RUBCNL: variants seen among roughly 807,000 people sequenced by gnomAD.
The protein encoded by RUBCNL is rubicon like autophagy enhancer.
RUBCNL carries 62 observed loss-of-function variants against 69.5 expected under a neutral mutation model. That is an observed-to-expected ratio of 0.89 (90% CI 0.73 to 1.10). The LOEUF is 1.10. Ranked by LOEUF, RUBCNL falls within the 50% of genes least tolerant of loss-of-function variation. The pLI, the probability that RUBCNL is intolerant of heterozygous loss-of-function variation, is 0.00. For missense variants in RUBCNL, 768 were observed against 798.1 expected (o/e 0.96, Z 0.45); for synonymous variants, 291 against 303.6 (o/e 0.96, Z 0.43).
rs1566085720 is a variant in RUBCNL, at chr13:46,372,246, C to G, written c.230G>C (p.Gly77Ala). ...GGCAGCATCTGTCACAAAATGGGTC[C>G]CACTGTTCCCTGCTGCTGGCACCTG... ...QSQVPAAGNS[G>A]THFVTDAASP... Residue 77 changes from glycine (G) to alanine (A), a missense_variant, in exon 3 of 15, where the codon GGG becomes GCG. Transcript: ENST00000429979. The G allele has an allele frequency of 9.3e-6, 15 of 1,613,858 alleles. No homozygotes were observed. The highest frequency in any genetic ancestry group is 1.0e-5 in the Non-Finnish European group (12 of 1,179,886).
At chr13:46,350,042 G>A in intron 11 of RUBCNL, 71 bp downstream of exon 11, 1 of 1,172,400 alleles carries the variant, frequency 8.5e-7, no homozygotes, top group African/African-American at 1.5e-5. Flanking sequence ...GGTTCCCCAA[G>A]CTAGTGTGAT....
upstream of RUBCNL, chr13:46,387,291 G>GACGCCGCC (rs1217072868): frequency 2.0e-6 from 2 of 985,334 alleles, no homozygotes; most frequent in East Asian, 2.3e-4. Context: ...GCGACGCCCC[G>GACGCCGCC]ACGCCGCCAC....
At position 46,342,548 on chromosome 13, in the gene RUBCNL, T is replaced by A. The variant is rs1171249957; in HGVS notation, c.*837A>T. 1 of 152,240 alleles carries A rather than the reference T, an allele frequency of 6.6e-6. No individual in the cohort carries two copies. The highest frequency in any genetic ancestry group is 2.4e-5 in the African/African-American group (1 of 41,466). 9.4% of individuals were successfully genotyped at this position (152,240 alleles called of 1,614,324 possible). ...CCTTATTAGTCAATGTCTATGATTT[T>A]AATGTTATTACTAGAATCACACTGT... On this transcript the variant is annotated 3_prime_UTR_variant, in exon 15 of 15. Transcript: ENST00000429979.
chr13:46,363,185 C>T lies in RUBCNL; in HGVS notation c.855G>A (p.Val285=), dbSNP rs1048685134. The change falls in exon 6 of 15, where the codon GTG becomes GTA. Residue 285 remains valine, a synonymous_variant. Transcript: ENST00000429979. The stretch of plus-strand genomic sequence containing the variant: ...CATCATGGTAAGTACGTGTTTCAGT[C>T]ACTGGGCTGACCTGTAACACAGCAC... ...EGCAVLQVSP[V]TETRTYHDVK... 4 of 1,595,336 alleles carry T rather than the reference C, an allele frequency of 2.5e-6. No individual in the cohort carries two copies. The highest frequency in any genetic ancestry group is 3.5e-5 in the Admixed American group (2 of 57,366).
chr13:46,362,538 C>G lies in RUBCNL; in HGVS notation c.986G>C (p.Ser329Thr). 1 of 1,605,656 alleles carries G rather than the reference C, an allele frequency of 6.2e-7. No individual in the cohort carries two copies. Among genetic ancestry groups the G allele is most frequent in the Non-Finnish European group, 8.5e-7 (1 of 1,174,864 alleles). ...TGCACTGTGCACAGAAGACAGATAC[C>G]TCTTAGAGGAGCTGCAGGAACAGCT... ...TCSCSCSSSK[S>T]VTYEPDFNSA... The change falls in exon 7 of 15, where the codon AGT becomes ACT. Residue 329 changes from serine to threonine, a missense_variant and splice_region_variant. Ser to Thr is a moderately conservative substitution (Grantham distance 58). Transcript: ENST00000429979.
chr13:46,387,277 G>C (rs2049272188), upstream of RUBCNL: 4 of 985,290 alleles, frequency 4.1e-6, no homozygotes, highest in Non-Finnish European at 4.8e-6. Flanking sequence ...CCGAGGAGGG[G>C]ACAGCGACGC....
chr13:46,381,492 G>A (rs2049115577), intron 1 of RUBCNL, among the ~76,000 whole-genome samples: 2 of 152,164 alleles, frequency 1.3e-5, no homozygotes, highest in African/African-American at 4.8e-5. Context: ...TCTTTTTGAG[G>A]TGATGAAAAT....
chr13:46,376,321 G>GAT (rs762468839), intron 2 of RUBCNL, among the ~76,000 whole-genome samples: 21 of 151,746 alleles, frequency 1.4e-4, no homozygotes, highest in Non-Finnish European at 1.9e-4. Context: ...GAGGCATATA[G>GAT]ATATATATAT....
intron 7 of RUBCNL, among the ~76,000 whole-genome samples, 158 bp downstream of exon 7, chr13:46,362,380 G>A (rs1286422215): frequency 6.6e-6 from 1 of 152,130 alleles, no homozygotes; most frequent in Non-Finnish European, 1.5e-5. Context: ...AACTTTGGGG[G>A]TGATTGTTTC....
In RUBCNL at chr13:46,337,941, A is replaced by T. The variant is rs1423642563; in HGVS notation, c.*5444T>A. On this transcript the variant is annotated 3_prime_UTR_variant, in exon 15 of 15. Coordinates refer to ENST00000429979, the MANE Select transcript of RUBCNL (RefSeq NM_025113.5). ...AAAGGGAGAATAAAGTCTCTCTCAT[A>T]GCTTCCAAGAGACTTTCAAGGGCAG... Among the ~76,000 whole-genome samples the T allele has an allele frequency of 6.6e-6, 1 of 152,164 alleles. No individual in the cohort carries two copies. The highest frequency in any genetic ancestry group is 1.5e-5 in the Non-Finnish European group (1 of 68,022).
chr13:46,353,431 C>A (rs1383292930), intron 10 of RUBCNL, among the ~76,000 whole-genome samples: 1 of 152,186 alleles, frequency 6.6e-6, no homozygotes, highest in African/African-American at 2.4e-5. Context: ...GTTATACTAT[C>A]AATACAGAAT....
chr13:46,377,680 A>G (rs1303682631), intron 2 of RUBCNL, among the ~76,000 whole-genome samples: 1 of 152,254 alleles, frequency 6.6e-6, no homozygotes, highest in Non-Finnish European at 1.5e-5. Context: ...ACGTCCTCAT[A>G]AAAAACAACC....
rs2048119759 is a variant in RUBCNL at position 46,338,643 on chromosome 13, G to C, written c.*4742C>G. On this transcript the variant is annotated 3_prime_UTR_variant, in exon 15 of 15. Transcript: ENST00000429979. ...CTTTCCAGGATGAAAGGGCAGTCCT[G>C]ATCCCAGGCAAGGGATGCAAGAAGA... Among the ~76,000 whole-genome samples, 1 of 152,106 alleles carries C rather than the reference G, an allele frequency of 6.6e-6. No individual in the cohort carries two copies. Among genetic ancestry groups the C allele is most frequent in the African/African-American group, 2.4e-5 (1 of 41,406 alleles).
At chr13:46,357,520 G>A (rs2048516167) in intron 9 of RUBCNL, among the ~76,000 whole-genome samples, 2 of 151,852 alleles carry the variant, frequency 1.3e-5, no homozygotes, top group Admixed American at 6.6e-5. Context: ...ATGCACTTGG[G>A]AAATTCACAA....
Position 46,346,799 on chromosome 13 carries a change from C to T in RUBCNL, c.1632-1199G>A, listed in dbSNP as rs568067805. Among the ~76,000 whole-genome samples the T allele has an allele frequency of 2.6e-5, 4 of 152,292 alleles. No homozygotes were observed. In the East Asian group the frequency reaches 7.7e-4, roughly 29 times the overall value. On this transcript the variant is annotated intron_variant, in intron 12 of 14. Transcript: ENST00000429979. Reference sequence around the variant, plus strand: ...AAGCTAAACCATTTATTTAAAAACTCTATAATTCCACCAAGTACAATAAAC... The same window carrying T: ...AAGCTAAACCATTTATTTAAAAACTTTATAATTCCACCAAGTACAATAAAC...
At chr13:46,374,245 A>C (rs2138813907) in intron 2 of RUBCNL, among the ~76,000 whole-genome samples, 1 of 152,164 alleles carries the variant, frequency 6.6e-6, no homozygotes, top group South Asian at 2.1e-4. Context: ...CACCCAGCTA[A>C]TTTTTGTATT....
intron 2 of RUBCNL, among the ~76,000 whole-genome samples, chr13:46,376,087 A>C (rs1245657096): frequency 6.6e-6 from 1 of 152,190 alleles, no homozygotes; most frequent in African/African-American, 2.4e-5. Flanking sequence ...ATATAGTATT[A>C]TACACTAACA....
rs942828691 is a variant in RUBCNL at position 46,338,801 on chromosome 13, A to T, written c.*4584T>A. ...GCTGGGCGCGGTGGCTCACACCTGT[A>T]ATCCAAGCACTTTGGGAGGCCGAGG... On this transcript the variant is annotated 3_prime_UTR_variant, in exon 15 of 15. Coordinates refer to ENST00000429979, the MANE Select transcript of RUBCNL (RefSeq NM_025113.5). 2.0e-5 allele frequency among the ~76,000 whole-genome samples: 3 copies of T among 152,090 alleles called. No homozygotes were observed. Among genetic ancestry groups the T allele is most frequent in the Admixed American group, 2.0e-4 (3 of 15,270 alleles).
In RUBCNL at chr13:46,338,737, T is replaced by C. The variant is rs529720552; in HGVS notation, c.*4648A>G. On this transcript the variant is annotated 3_prime_UTR_variant, in exon 15 of 15. Transcript: ENST00000429979. ...GGGCAGCCCTGGGGAGAAAGAAGCC[T>C]GGAAGCACAAGCAGAGGCCAGAAAA... Among the ~76,000 whole-genome samples, 4 of 151,784 alleles carry C rather than the reference T, an allele frequency of 2.6e-5. No homozygotes were observed. The East Asian group carries it at 7.8e-4, about 30-fold the overall frequency.
Sources: gnomAD v4.1 joint callset for allele counts (sites outside exome capture counted in the v4.1 genomes callset) on GRCh38, gnomAD v4.1.1 for gene constraint, MANE v1.5 for transcripts, NCBI Gene and HGNC (gene_info 2026-07-23, HGNC 2026-07-21) for gene names.